Variants in HECW1 observed in about 807,000 individuals in gnomAD.
The protein encoded by HECW1 is E3 ubiquitin-protein ligase HECW1.
HECW1 carries 61 observed loss-of-function variants against 182.3 expected under a neutral mutation model. The ratio of observed to expected loss-of-function variants is 0.33; its 90% CI spans 0.27 to 0.41. HECW1 has a LOEUF of 0.41. HECW1 is among the 10% of genes least tolerant of loss of function. The probability of loss-of-function intolerance (pLI) is 1.00; values close to 1 mark genes in which losing one functional copy is unlikely to be tolerated. For missense variants in HECW1, 1,739 were observed against 2,108.9 expected (o/e 0.82, Z 3.44); for synonymous variants, 859 against 832.6 (o/e 1.03, Z -0.55).
chr7:43,338,212 C>T (rs1330127501), intron 5 of HECW1, among the ~76,000 whole-genome samples: 1 of 152,160 alleles, frequency 6.6e-6, no homozygotes, highest in African/African-American at 2.4e-5. Context: ...GCTGGGATAC[C>T]CTGCCTCCAG....
chr7:43,503,334 G>A (rs1406706782), intron 21 of HECW1, among the ~76,000 whole-genome samples: 1 of 152,216 alleles, frequency 6.6e-6, no homozygotes, highest in Non-Finnish European at 1.5e-5. Context: ...GTTTGGAGAA[G>A]CTGTAGGACT....
chr7:43,287,973 A>G (rs1804875111), intron 3 of HECW1, among the ~76,000 whole-genome samples: 1 of 152,154 alleles, frequency 6.6e-6, no homozygotes. Flanking sequence ...GATAATCAAG[A>G]ACTTGTTTTT....
intron 17 of HECW1, among the ~76,000 whole-genome samples, chr7:43,488,530 G>T (rs1018805611): frequency 2.6e-5 from 4 of 152,084 alleles, no homozygotes; most frequent in East Asian, 1.9e-4. Flanking sequence ...AAGAAAGAAA[G>T]CCATGTTGGC....
intron 3 of HECW1, among the ~76,000 whole-genome samples, chr7:43,269,587 G>C (rs1802159392): frequency 6.6e-6 from 1 of 152,222 alleles, no homozygotes; most frequent in Non-Finnish European, 1.5e-5. Flanking sequence ...GATGATTGGA[G>C]TGCTGGAGGA....
chr7:43,313,479 AG>A (rs1251590691), intron 4 of HECW1, among the ~76,000 whole-genome samples: 1 of 151,986 alleles, frequency 6.6e-6, no homozygotes, highest in South Asian at 2.1e-4. Context: ...CTGGGATTAC[AG>A]GCATGTGCCA....
intron 2 of HECW1, among the ~76,000 whole-genome samples, chr7:43,115,158 C>A (rs557156237): frequency 1.3e-5 from 2 of 152,270 alleles, no homozygotes; most frequent in East Asian, 3.9e-4. Flanking sequence ...GTTGGAAAGG[C>A]AAATAATTAT....
At chr7:43,148,829 T>G (rs903591095) in intron 2 of HECW1, 1 of 151,798 alleles carries the variant, frequency 6.6e-6, no homozygotes, top group Non-Finnish European at 1.5e-5. Flanking sequence ...TCTGATCTAG[T>G]AGGTCTGGGA....
At chr7:43,165,403 G>T (rs973503128) in intron 2 of HECW1, among the ~76,000 whole-genome samples, 1 of 151,092 alleles carries the variant, frequency 6.6e-6, no homozygotes, top group Non-Finnish European at 1.5e-5. Flanking sequence ...TTGGCGGGGG[G>T]GGGTGTTTGT....
chr7:43,526,950 G>A (rs762021071), intron 24 of HECW1, among the ~76,000 whole-genome samples: 38 of 152,240 alleles, frequency 2.5e-4, no homozygotes, highest in African/African-American at 6.0e-4. Context: ...AGCCGAGATC[G>A]CATCACTGCA....
intron 3 of HECW1, among the ~76,000 whole-genome samples, chr7:43,288,031 GTT>G (rs1220344037): frequency 2.0e-5 from 3 of 152,190 alleles, no homozygotes; most frequent in African/African-American, 7.2e-5. Flanking sequence ...GACAGAGATA[GTT>G]GAGGAAAGCA....
intron 3 of HECW1, chr7:43,311,480 T>G: frequency 1.6e-6 from 1 of 617,940 alleles, no homozygotes; most frequent in Non-Finnish European, 3.0e-6. Flanking sequence ...CCAGTCCTTC[T>G]GGTATCAAGT....
chr7:43,508,243 A>G (rs541028783), intron 23 of HECW1, 112 bp downstream of exon 23: 50 of 635,020 alleles, frequency 7.9e-5, no homozygotes, highest in South Asian at 2.2e-4. Context: ...CTTCACCCCA[A>G]TGCGATTCTG....
rs1815712030 is a variant in HECW1, at chr7:43,360,326, C to T, written c.461-560C>T. ...TCCTGAGCTCAAGTGATCCTCCTGC[C>T]TCAGCCTCCCAAGTAGCTGGGAACT... On this transcript the variant is annotated intron_variant, in intron 5 of 29. Transcript: ENST00000395891. 2.6e-5 allele frequency among the ~76,000 whole-genome samples: 4 copies of T among 151,952 alleles called. No individual in the cohort carries two copies. The South Asian group carries it at 8.3e-4, about 32-fold the overall frequency.
chr7:43,386,338 G>C (rs540781034), intron 6 of HECW1, among the ~76,000 whole-genome samples: 7 of 152,310 alleles, frequency 4.6e-5, no homozygotes, highest in Admixed American at 4.6e-4. Context: ...TTAGAATTCT[G>C]CCTGCTGCAA....
chr7:43,504,124 T>C (rs2079480609), intron 21 of HECW1, among the ~76,000 whole-genome samples: 15 of 152,190 alleles, frequency 9.9e-5, no homozygotes, highest in Admixed American at 9.8e-4. Context: ...GGCCCCTGCC[T>C]TGTAGTCTTC....
chr7:43,280,412 A>G (rs1035471698), intron 3 of HECW1, among the ~76,000 whole-genome samples: 1 of 152,216 alleles, frequency 6.6e-6, no homozygotes, highest in African/African-American at 2.4e-5. Flanking sequence ...AAAAAGGGCG[A>G]TTAAAATGCC....
rs1340870871 is a variant in HECW1 at position 43,550,813 on chromosome 7, T to C, written c.4395+222T>C. ...CAGAGTTCTCTGGGAAACTCAACTCTTATGGGTGAAAAATGCTTTCAAGCA... is the reference window on the plus strand; with the variant it reads ...CAGAGTTCTCTGGGAAACTCAACTCCTATGGGTGAAAAATGCTTTCAAGCA... On this transcript the variant is annotated intron_variant, in intron 27 of 29. Transcript: ENST00000395891. Among the ~76,000 whole-genome samples, 3 of 152,306 alleles carry C rather than the reference T, an allele frequency of 2.0e-5. No homozygotes were observed. In the East Asian group the frequency reaches 5.8e-4, roughly 29 times the overall value.
intron 2 of HECW1, among the ~76,000 whole-genome samples, chr7:43,174,831 A>G (rs1792052273): frequency 6.6e-6 from 1 of 152,224 alleles, no homozygotes; most frequent in Admixed American, 6.5e-5. Flanking sequence ...GCAAAGAAGA[A>G]TGGTTTAAAG....
chr7:43,195,183 T>G (rs1031273470), intron 2 of HECW1, among the ~76,000 whole-genome samples: 20 of 152,256 alleles, frequency 1.3e-4, no homozygotes, highest in African/African-American at 4.8e-4. Context: ...ATATTGCTAA[T>G]TCTATTTATT....
Sources: gnomAD v4.1 joint callset for allele counts (sites outside exome capture counted in the v4.1 genomes callset) on GRCh38, gnomAD v4.1.1 for gene constraint, MANE v1.5 for transcripts, NCBI Gene and HGNC (gene_info 2026-07-23, HGNC 2026-07-21) for gene names.